The following PTCHD4 variants were observed in gnomAD, a reference collection of about 807,000 sequenced individuals.
PTCHD4 encodes the protein patched domain-containing protein 4.
A neutral mutation model predicts 58.1 loss-of-function variants in PTCHD4; 33 were observed. The observed-to-expected ratio is 0.57, with a 90% CI of 0.43 to 0.76. PTCHD4 has a LOEUF of 0.76. Among genes scored for constraint, PTCHD4 ranks in the 30% least tolerant of loss-of-function variants. The pLI is 0.00. For synonymous variants in PTCHD4, 478 were observed against 409.6 expected (o/e 1.17, Z -2.02); for missense variants, 1,058 against 1,027.1 (o/e 1.03, Z -0.41).
Position 47,900,830 on chromosome 6 carries a change from A to C in PTCHD4, c.899-20894T>G, listed in dbSNP as rs550762632. The C allele has an allele frequency of 2.6e-5, 4 of 152,352 alleles. 1 individual carries two copies. In the South Asian group the frequency reaches 8.3e-4, roughly 32 times the overall value. The allele number at this position is 152,352 out of a possible 1,614,324, so 9.4% of individuals were successfully genotyped here. A position where few individuals can be genotyped will look rare whatever the true frequency, so the allele number is the denominator to read the frequency against. ...ATGGTATATTATGTTAATGATTTTC[A>C]AATGTTAAACCACTCTTGCATTTAT... On this transcript the variant is annotated intron_variant, in intron 4 of 4. Transcript: ENST00000339488.
In PTCHD4 at chr6:47,865,155, C is replaced by A. The variant is rs1763526954; in HGVS notation, c.*13148G>T. Among the ~76,000 whole-genome samples, 1 of 151,778 alleles carries A rather than the reference C, an allele frequency of 6.6e-6. No homozygotes were observed. Among genetic ancestry groups the A allele is most frequent in the African/African-American group, 2.4e-5 (1 of 41,362 alleles). ...GTAGTGTCTCTAGCTATAATACGTG[C>A]ATGTAGATAAGAGTTATATATACCT... On this transcript the variant is annotated 3_prime_UTR_variant, in exon 5 of 5. Coordinates refer to ENST00000339488, the MANE Select transcript of PTCHD4 (RefSeq NM_001384253.1).
intron 1 of PTCHD4, among the ~76,000 whole-genome samples, chr6:48,075,020 A>T (rs1765037680): frequency 6.6e-6 from 1 of 152,144 alleles, no homozygotes; most frequent in African/African-American, 2.4e-5. Flanking sequence ...CATATATATT[A>T]TTCACCTGGA....
At chr6:48,107,927 A>C (rs1354546762) in intron 1 of PTCHD4, among the ~76,000 whole-genome samples, 6 of 152,158 alleles carry the variant, frequency 3.9e-5, no homozygotes, top group Middle Eastern at 3.4e-3. Flanking sequence ...GTTAGAATGG[A>C]GATCATTAAA....
intron 4 of PTCHD4, among the ~76,000 whole-genome samples, chr6:47,904,628 C>T (rs1439540841): frequency 6.6e-6 from 1 of 152,144 alleles, no homozygotes; most frequent in Non-Finnish European, 1.5e-5. Flanking sequence ...CAATTGTGTA[C>T]AAACTTTGCA....
rs1007865830 is a variant in PTCHD4, at chr6:47,860,665, A to G, written c.*17638T>C. The stretch of plus-strand genomic sequence containing the variant: ...TGAACTCATATCTTCAATTTCCTAG[A>G]GTATTGTTACCTAGCAGGGTCAGGG... On this transcript the variant is annotated 3_prime_UTR_variant, in exon 5 of 5. Coordinates refer to ENST00000339488, the MANE Select transcript of PTCHD4 (RefSeq NM_001384253.1). 1.3e-5 allele frequency among the ~76,000 whole-genome samples: 2 copies of G among 151,830 alleles called. No individual in the cohort carries two copies. Among genetic ancestry groups the G allele is most frequent in the African/African-American group, 4.8e-5 (2 of 41,370 alleles).
chr6:47,958,211 A>G (rs1191388060), intron 4 of PTCHD4, among the ~76,000 whole-genome samples: 2 of 152,198 alleles, frequency 1.3e-5, no homozygotes, highest in Admixed American at 1.3e-4. Context: ...AGATTAGATT[A>G]TATTGTAGTA....
chr6:48,078,408 G>T (rs1173242277), intron 1 of PTCHD4, among the ~76,000 whole-genome samples: 1 of 152,184 alleles, frequency 6.6e-6, no homozygotes, highest in Non-Finnish European at 1.5e-5. Flanking sequence ...GGAATAGCTG[G>T]ACTGAAGATT....
At chr6:47,992,276 T>C (rs1768306890) in intron 4 of PTCHD4, among the ~76,000 whole-genome samples, 1 of 152,052 alleles carries the variant, frequency 6.6e-6, no homozygotes, top group Admixed American at 6.6e-5. Flanking sequence ...TGTATATATA[T>C]ACACACACAC....
chr6:47,944,399 T>C (rs1766342771), intron 4 of PTCHD4, among the ~76,000 whole-genome samples: 1 of 152,126 alleles, frequency 6.6e-6, no homozygotes, highest in Non-Finnish European at 1.5e-5. Flanking sequence ...TATTAGATTC[T>C]AGCAGGTGAA....
At chr6:47,901,838 T>G (rs1434179725) in intron 4 of PTCHD4, 23 of 1,296,792 alleles carry the variant, frequency 1.8e-5, no homozygotes, top group African/African-American at 3.1e-5. Context: ...CCAAATGTGA[T>G]ATTTTTCTCC....
chr6:48,033,797 A>T (rs899801011), intron 3 of PTCHD4, among the ~76,000 whole-genome samples: 7 of 152,106 alleles, frequency 4.6e-5, no homozygotes, highest in Middle Eastern at 3.4e-3. Context: ...TCTCTCAAAC[A>T]TCTTTTCCAT....
At position 47,950,926 on chromosome 6, in the gene PTCHD4, A is replaced by G. The variant is rs1766622296; in HGVS notation, c.898+57708T>C. Among the ~76,000 whole-genome samples, 9 of 152,158 alleles carry G rather than the reference A, an allele frequency of 5.9e-5. No homozygotes were observed. In the South Asian group the frequency reaches 1.9e-3, roughly 32 times the overall value. ...GGTCAAATTAAGAATGGAATAGTCAATGTGTCAATTGATGGAATTTGGGAA... is the reference window on the plus strand; with the variant it reads ...GGTCAAATTAAGAATGGAATAGTCAGTGTGTCAATTGATGGAATTTGGGAA... On this transcript the variant is annotated intron_variant, in intron 4 of 4. Coordinates refer to ENST00000339488, the MANE Select transcript of PTCHD4 (RefSeq NM_001384253.1).
intron 4 of PTCHD4, among the ~76,000 whole-genome samples, chr6:47,923,046 T>C (rs1024349095): frequency 6.6e-6 from 1 of 152,228 alleles, no homozygotes; most frequent in Non-Finnish European, 1.5e-5. Context: ...CTTGTGCTGA[T>C]GTCTTACTGA....
intron 4 of PTCHD4, among the ~76,000 whole-genome samples, chr6:47,967,244 G>A (rs144820842): frequency 1.0e-3 from 155 of 152,256 alleles, no homozygotes; most frequent in African/African-American, 3.5e-3. Flanking sequence ...GTAACCAGAC[G>A]CATTGTCGAT....
chr6:48,029,672 C>T (rs772648795), intron 3 of PTCHD4, among the ~76,000 whole-genome samples: 8 of 151,918 alleles, frequency 5.3e-5, no homozygotes, highest in Non-Finnish European at 1.2e-4. Flanking sequence ...AATTCAGAAA[C>T]GCTTATTGAG....
rs901339629 is a variant in PTCHD4, at chr6:47,858,029, T to G, written c.*20274A>C. Among the ~76,000 whole-genome samples, 3 of 152,046 alleles carry G rather than the reference T, an allele frequency of 2.0e-5. No individual in the cohort carries two copies. The highest frequency in any genetic ancestry group is 7.2e-5 in the African/African-American group (3 of 41,428). On this transcript the variant is annotated 3_prime_UTR_variant, in exon 5 of 5. Coordinates refer to ENST00000339488, the MANE Select transcript of PTCHD4 (RefSeq NM_001384253.1). ...ACATTTCTGAAACGTTTCAGTTGAT[T>G]GAGCTTGTAAGCTAAAGAGTGGTAA...
chr6:48,010,809 T>A (rs1241033084), intron 3 of PTCHD4, among the ~76,000 whole-genome samples: 1 of 152,094 alleles, frequency 6.6e-6, no homozygotes, highest in Non-Finnish European at 1.5e-5. Context: ...CATGTGTTCT[T>A]GTTGTTCAAC....
rs1238428917 is a variant in PTCHD4, at chr6:47,865,928, T to A, written c.*12375A>T. Among the ~76,000 whole-genome samples, 20 of 151,900 alleles carry A rather than the reference T, an allele frequency of 1.3e-4. No homozygotes were observed. Among genetic ancestry groups the A allele is most frequent in the Non-Finnish European group, 2.5e-4 (17 of 67,888 alleles). On this transcript the variant is annotated 3_prime_UTR_variant, in exon 5 of 5. Transcript: ENST00000339488. ...ACTGGAAATGTACCCTCAAGCTAAA[T>A]TGAGTTCGTTGACCCAGGAACATAT...
At chr6:48,102,053 C>T (rs1373266789) in intron 1 of PTCHD4, among the ~76,000 whole-genome samples, 2 of 152,186 alleles carry the variant, frequency 1.3e-5, no homozygotes, top group African/African-American at 2.4e-5. Context: ...ATTTCTTAGT[C>T]TAGACTCAGA....
Sources: allele counts gnomAD v4.1 joint callset (sites outside exome capture counted in the v4.1 genomes callset), GRCh38; gene constraint gnomAD v4.1.1; transcripts MANE v1.5; gene names NCBI Gene and HGNC (gene_info 2026-07-23, HGNC 2026-07-21).